Variants in LRRIQ3 observed in about 807,000 individuals in gnomAD.
LRRIQ3 encodes leucine rich repeats and IQ motif containing 3, also known as leucine-rich repeat and IQ domain-containing protein 3.
A neutral mutation model predicts 59.3 loss-of-function variants in LRRIQ3; 75 were observed. That is an observed-to-expected ratio of 1.26 (90% CI 1.05 to 1.53). The LOEUF (loss-of-function observed/expected upper bound fraction) is 1.53, where lower values mean the gene tolerates loss of function less well. Among genes scored for constraint, LRRIQ3 ranks in the 40% most tolerant of loss-of-function variants. The pLI is 0.00. For synonymous variants in LRRIQ3, 250 were observed against 231.3 expected (o/e 1.08, Z -0.73); for missense variants, 831 against 710.0 (o/e 1.17, Z -1.94).
intron 5 of LRRIQ3, among the ~76,000 whole-genome samples, chr1:74,089,665 T>C (rs1443213253): frequency 2.0e-5 from 3 of 152,022 alleles, no homozygotes; most frequent in Non-Finnish European, 2.9e-5. Flanking sequence ...AGAAAATAGA[T>C]TAATGTTCCC....
chr1:74,113,614 G>A (rs2100570432), intron 4 of LRRIQ3, among the ~76,000 whole-genome samples: 1 of 152,150 alleles, frequency 6.6e-6, no homozygotes, highest in East Asian at 1.9e-4. Flanking sequence ...GCAATAGTAT[G>A]ACATTGTCAA....
intron 6 of LRRIQ3, among the ~76,000 whole-genome samples, chr1:74,059,083 T>C (rs939601682): frequency 7.1e-6 from 1 of 140,806 alleles, no homozygotes; most frequent in African/African-American, 2.5e-5. Context: ...ATTTTTAATA[T>C]TTCTGGATAC....
At chr1:74,043,433 G>A (rs980659247) in intron 6 of LRRIQ3, among the ~76,000 whole-genome samples, 1 of 152,234 alleles carries the variant, frequency 6.6e-6, no homozygotes, top group African/African-American at 2.4e-5. Context: ...TTCACGAAAG[G>A]CTACAGGAGT....
At chr1:74,167,789 T>C (rs1327909265) in intron 3 of LRRIQ3, among the ~76,000 whole-genome samples, 4 of 151,604 alleles carry the variant, frequency 2.6e-5, no homozygotes, top group African/African-American at 7.3e-5. Flanking sequence ...AACCACTGAA[T>C]TGTACAATTA....
chr1:74,076,982 A>T (rs1413479789), intron 5 of LRRIQ3, among the ~76,000 whole-genome samples: 2 of 152,126 alleles, frequency 1.3e-5, no homozygotes, highest in Non-Finnish European at 2.9e-5. Flanking sequence ...GTTGCCAAGG[A>T]TAATTAAAAT....
chr1:74,033,675 T>C (rs1235257067), intron 7 of LRRIQ3, among the ~76,000 whole-genome samples: 1 of 151,900 alleles, frequency 6.6e-6, no homozygotes, highest in Non-Finnish European at 1.5e-5. Flanking sequence ...TTCTTATGAA[T>C]TTGGAAGTTA....
At chr1:74,163,834 A>G (rs1005425581) in intron 3 of LRRIQ3, among the ~76,000 whole-genome samples, 2 of 151,576 alleles carry the variant, frequency 1.3e-5, no homozygotes, top group Non-Finnish European at 3.0e-5. Flanking sequence ...GAAAATGTCA[A>G]AATCTTTTCC....
At position 74,026,567 on chromosome 1, in the gene LRRIQ3, A is replaced by C. The variant is rs1653522184; in HGVS notation, c.*246T>G. 1 of 321,596 alleles carries C rather than the reference A, an allele frequency of 3.1e-6. No homozygotes were observed. The highest frequency in any genetic ancestry group is 5.0e-5 in the Admixed American group (1 of 20,182). The allele number at this position is 321,596 out of a possible 1,614,324, so 19.9% of individuals were successfully genotyped here. A position where few individuals can be genotyped will look rare whatever the true frequency, so the allele number is the denominator to read the frequency against. ...TTGCAACATTGTCTGCAATACATTA[A>C]ATCAGTTTAATTGTTCCTTAGGCAT... On this transcript the variant is annotated 3_prime_UTR_variant, in exon 8 of 8. Coordinates refer to ENST00000354431, the MANE Select transcript of LRRIQ3 (RefSeq NM_001105659.2).
At chr1:74,043,627 A>G (rs1570016338) in intron 6 of LRRIQ3, among the ~76,000 whole-genome samples, 1 of 152,132 alleles carries the variant, frequency 6.6e-6, no homozygotes, top group Admixed American at 6.6e-5. Context: ...TAGTTGGTTG[A>G]ACATAGTCCC....
At chr1:74,180,419 T>G (rs1026613076) in intron 3 of LRRIQ3, 25 of 276,662 alleles carry the variant, frequency 9.0e-5, no homozygotes, top group South Asian at 3.2e-4. Context: ...CAGAACACTA[T>G]TTCTGAATTT....
At chr1:74,121,162 C>G (rs1040983540) in intron 4 of LRRIQ3, among the ~76,000 whole-genome samples, 2 of 152,046 alleles carry the variant, frequency 1.3e-5, no homozygotes, top group South Asian at 2.1e-4. Flanking sequence ...AGAATAGTGT[C>G]TTTGTCAATG....
At chr1:74,138,851 C>A (rs1174744393) in intron 4 of LRRIQ3, among the ~76,000 whole-genome samples, 1 of 151,762 alleles carries the variant, frequency 6.6e-6, no homozygotes, top group South Asian at 2.1e-4. Flanking sequence ...CAAGCACCTT[C>A]CCTTCCTCTC....
At chr1:74,090,188 T>G (rs1646379712) in intron 5 of LRRIQ3, among the ~76,000 whole-genome samples, 1 of 152,014 alleles carries the variant, frequency 6.6e-6, no homozygotes, top group Admixed American at 6.6e-5. Context: ...GAACTTTCAT[T>G]TAAACTTGGT....
chr1:74,106,378 G>C (rs920243517), intron 5 of LRRIQ3, among the ~76,000 whole-genome samples: 1 of 151,916 alleles, frequency 6.6e-6, no homozygotes, highest in African/African-American at 2.4e-5. Flanking sequence ...GGGATGGCGG[G>C]GGGAGGAAGG....
intron 1 of LRRIQ3, among the ~76,000 whole-genome samples, chr1:74,197,767 G>C (rs1651305222): frequency 6.6e-6 from 1 of 152,130 alleles, no homozygotes; most frequent in Non-Finnish European, 1.5e-5. Context: ...TTCAGACTGT[G>C]TATGTATCAT....
intron 6 of LRRIQ3, among the ~76,000 whole-genome samples, chr1:74,042,238 C>A (rs1056687142): frequency 2.0e-5 from 3 of 152,084 alleles, no homozygotes; most frequent in Non-Finnish European, 1.5e-5. Context: ...TACTTAACCA[C>A]ACATATTATT....
At chr1:74,039,010 G>A (rs1189816900) in intron 7 of LRRIQ3, among the ~76,000 whole-genome samples, 1 of 152,110 alleles carries the variant, frequency 6.6e-6, no homozygotes, top group Admixed American at 6.5e-5. Context: ...TCAGAAGGTG[G>A]GTAATAATAA....
At chr1:74,155,985 C>G (rs1415523569) in intron 3 of LRRIQ3, 119 bp from the exon 4 acceptor site, 1 of 586,164 alleles carries the variant, frequency 1.7e-6, no homozygotes, top group Admixed American at 4.3e-5. Flanking sequence ...CAAGGTCTTA[C>G]AGGCATTATA....
intron 5 of LRRIQ3, among the ~76,000 whole-genome samples, chr1:74,100,561 C>T (rs1378223464): frequency 1.3e-5 from 2 of 151,944 alleles, no homozygotes; most frequent in African/African-American, 4.8e-5. Context: ...AAACTACTTT[C>T]AAGTTCATAT....
Sources: gnomAD v4.1 joint callset for allele counts (sites outside exome capture counted in the v4.1 genomes callset) on GRCh38, gnomAD v4.1.1 for gene constraint, MANE v1.5 for transcripts, NCBI Gene and HGNC (gene_info 2026-07-23, HGNC 2026-07-21) for gene names.